Variants in NELL1 observed in about 807,000 individuals in gnomAD.
The protein encoded by NELL1 is neural EGFL like 1.
Under a neutral mutation model 107.4 loss-of-function variants are expected in NELL1, and 76 were observed. That is an observed-to-expected ratio of 0.71 (90% CI 0.59 to 0.86). The LOEUF is 0.86. NELL1 is among the 40% of genes least tolerant of loss of function. NELL1 has a pLI of 0.00. For synonymous variants in NELL1, 353 were observed against 341.2 expected, an observed-to-expected ratio of 1.03 and a Z score of -0.38; for missense variants, 1,024 against 1,005.5, an observed-to-expected ratio of 1.02 and a Z score of -0.25.
chr11:21,190,225 G>A (rs1449219742), intron 13 of NELL1, among the ~76,000 whole-genome samples: 2 of 151,750 alleles, frequency 1.3e-5, no homozygotes, highest in Non-Finnish European at 2.9e-5. Context: ...GCTGGTGGAT[G>A]CCTGTAATCC....
At position 21,503,353 on chromosome 11, in the gene NELL1, C is replaced by A. The variant is rs80288413; in HGVS notation, c.1646-31021C>A. ...ACATATCAACCAGTCCAGTTGTAAG[C>A]TATAAATCATGTGACTAGACCAATG... On this transcript the variant is annotated intron_variant, in intron 15 of 19. Coordinates refer to ENST00000357134, the MANE Select transcript of NELL1 (RefSeq NM_006157.5). 0.017 allele frequency among the ~76,000 whole-genome samples: 2,525 copies of A among 152,286 alleles called. 192 individuals are homozygous for A. The East Asian group carries it at 0.26, about 15-fold the overall frequency.
intron 12 of NELL1, among the ~76,000 whole-genome samples, chr11:20,965,365 T>G (rs567826053): frequency 1.3e-5 from 2 of 152,332 alleles, no homozygotes; most frequent in South Asian, 2.1e-4. Context: ...ATTATTTACT[T>G]AAATCATTAA....
Position 20,915,722 on chromosome 11 carries a change from T to A in NELL1, c.604-2460T>A, listed in dbSNP as rs1262596615. ...GATGATATATATATATATATATTTTTTTTTTTTTTTTTTGAGAGGAATAAG... is the reference window on the plus strand; with the variant it reads ...GATGATATATATATATATATATTTTATTTTTTTTTTTTTGAGAGGAATAAG... On this transcript the variant is annotated intron_variant, in intron 5 of 19. Transcript: ENST00000357134. 6.5e-3 allele frequency among the ~76,000 whole-genome samples: 799 copies of A among 123,742 alleles called. 7 individuals carry two copies. The highest frequency in any genetic ancestry group is 0.016 in the Middle Eastern group (4 of 258). The allele number at this position is 123,742 out of a possible 152,430, so 81.2% of individuals were successfully genotyped here.
chr11:21,170,399 T>A (rs184582937), intron 13 of NELL1, among the ~76,000 whole-genome samples: 1 of 151,700 alleles, frequency 6.6e-6, no homozygotes, highest in Non-Finnish European at 1.5e-5. Context: ...GACACACACA[T>A]CTTGAAGACA....
At chr11:21,533,983 TA>T (rs1399224935) in intron 15 of NELL1, among the ~76,000 whole-genome samples, 1 of 152,142 alleles carries the variant, frequency 6.6e-6, no homozygotes, top group African/African-American at 2.4e-5. Flanking sequence ...TATTTGTTCA[TA>T]AAAATTTTCA....
chr11:21,091,780 A>G (rs1854527360), intron 12 of NELL1, among the ~76,000 whole-genome samples: 1 of 152,232 alleles, frequency 6.6e-6, no homozygotes, highest in Non-Finnish European at 1.5e-5. Context: ...AATTCAGGCC[A>G]TTGAAGTAGA....
chr11:20,698,693 A>G (rs1030170156), intron 2 of NELL1, among the ~76,000 whole-genome samples: 2 of 152,150 alleles, frequency 1.3e-5, no homozygotes, highest in African/African-American at 2.4e-5. Flanking sequence ...TTTTGGTTAC[A>G]TGGATAAGTT....
chr11:21,253,939 T>G (rs376490234), intron 14 of NELL1, among the ~76,000 whole-genome samples: 1 of 152,048 alleles, frequency 6.6e-6, no homozygotes, highest in African/African-American at 2.4e-5. Flanking sequence ...TTTGAAGGAC[T>G]AGGAAGGTTT....
At chr11:21,531,511 A>T (rs1268466783) in intron 15 of NELL1, among the ~76,000 whole-genome samples, 1 of 152,174 alleles carries the variant, frequency 6.6e-6, no homozygotes, top group East Asian at 1.9e-4. Context: ...AATACTCCAT[A>T]GTATCTCACT....
chr11:21,279,698 C>G (rs1011115717), intron 14 of NELL1, among the ~76,000 whole-genome samples: 7 of 152,192 alleles, frequency 4.6e-5, no homozygotes, highest in African/African-American at 1.7e-4. Context: ...CCATGCGATA[C>G]AGCAATTGTG....
At chr11:21,498,568 A>G (rs576443366) in intron 15 of NELL1, among the ~76,000 whole-genome samples, 1 of 151,892 alleles carries the variant, frequency 6.6e-6, no homozygotes, top group African/African-American at 2.4e-5. Flanking sequence ...CTAGTGATCA[A>G]CGTTTAAATT....
intron 14 of NELL1, among the ~76,000 whole-genome samples, chr11:21,270,663 A>T (rs1848720991): frequency 6.6e-6 from 1 of 152,142 alleles, no homozygotes; most frequent in Non-Finnish European, 1.5e-5. Context: ...ATAATACCAC[A>T]TTAATCAACT....
intron 2 of NELL1, among the ~76,000 whole-genome samples, chr11:20,753,671 A>C (rs1324015217): frequency 6.6e-6 from 1 of 152,210 alleles, no homozygotes; most frequent in Non-Finnish European, 1.5e-5. Flanking sequence ...AGCTCTTGTT[A>C]TTAAAGTTAG....
chr11:21,120,129 T>C (rs1291976077), intron 13 of NELL1, among the ~76,000 whole-genome samples: 11 of 152,262 alleles, frequency 7.2e-5, no homozygotes, highest in Non-Finnish European at 1.2e-4. Flanking sequence ...AGGAAGTTTA[T>C]GTTTGAAATA....
At chr11:21,080,228 G>A (rs182429405) in intron 12 of NELL1, among the ~76,000 whole-genome samples, 31 of 151,862 alleles carry the variant, frequency 2.0e-4, no homozygotes, top group Middle Eastern at 3.4e-3. Flanking sequence ...AATACAGCAC[G>A]TCATAAAAAT....
intron 2 of NELL1, among the ~76,000 whole-genome samples, chr11:20,695,879 AT>A (rs1854601743): frequency 6.6e-6 from 1 of 151,508 alleles, no homozygotes; most frequent in African/African-American, 2.4e-5. Context: ...ATCTGGTAGA[AT>A]TTGGCTGTGA....
intron 14 of NELL1, among the ~76,000 whole-genome samples, chr11:21,251,906 G>C (rs569689207): frequency 6.6e-6 from 1 of 152,196 alleles, no homozygotes; most frequent in East Asian, 1.9e-4. Flanking sequence ...TTCAATGATA[G>C]AGCTTCAGAC....
intron 5 of NELL1, among the ~76,000 whole-genome samples, chr11:20,898,532 G>T (rs1849801562): frequency 6.6e-6 from 1 of 150,950 alleles, no homozygotes; most frequent in Admixed American, 6.6e-5. Flanking sequence ...TAACAAACCT[G>T]CACATTGTGC....
chr11:20,829,632 T>G (rs955170336), intron 3 of NELL1, among the ~76,000 whole-genome samples: 1 of 152,150 alleles, frequency 6.6e-6, no homozygotes, highest in African/African-American at 2.4e-5. Flanking sequence ...CAGCCCACAT[T>G]TCATTTAGTT....
Sources: gnomAD v4.1 joint callset for allele counts (sites outside exome capture counted in the v4.1 genomes callset) on GRCh38, gnomAD v4.1.1 for gene constraint, MANE v1.5 for transcripts, NCBI Gene and HGNC (gene_info 2026-07-23, HGNC 2026-07-21) for gene names.